PDE4D: variants seen among roughly 807,000 people sequenced by gnomAD.
PDE4D encodes the protein 3',5'-cyclic-AMP phosphodiesterase 4D.
In PDE4D, 24 loss-of-function variants were observed where a neutral mutation model predicts 87.4. The ratio of observed to expected loss-of-function variants is 0.27; its 90% CI spans 0.20 to 0.39. The LOEUF (loss-of-function observed/expected upper bound fraction) is 0.39. Ranked by LOEUF, PDE4D falls within the 10% of genes least tolerant of loss-of-function variation. The probability of loss-of-function intolerance (pLI) is 1.00; values close to 1 mark genes in which losing one functional copy is unlikely to be tolerated. For synonymous variants in PDE4D, 384 were observed against 383.2 expected (o/e 1.00, Z -0.02); for missense variants, 714 against 1,041.0 (o/e 0.69, Z 4.32).
chr5:60,217,096 A>T (rs1162362305), intron 1 of PDE4D, among the ~76,000 whole-genome samples: 2 of 152,094 alleles, frequency 1.3e-5, no homozygotes, highest in East Asian at 3.9e-4. Flanking sequence ...TTAAAAAGGA[A>T]GGAAATTCTA....
intron 1 of PDE4D, among the ~76,000 whole-genome samples, chr5:59,394,755 G>T (rs143813043): frequency 7.2e-5 from 11 of 152,012 alleles, no homozygotes; most frequent in South Asian, 4.1e-4. Context: ...GAACAGCTCC[G>T]GTCTACAGCT....
intron 1 of PDE4D, among the ~76,000 whole-genome samples, chr5:60,363,414 TCAAA>T (rs1213286136): frequency 2.6e-5 from 4 of 151,932 alleles, no homozygotes; most frequent in Admixed American, 6.6e-5. Context: ...CAATCAAGAG[TCAAA>T]CAGATTACAA....
intron 1 of PDE4D, among the ~76,000 whole-genome samples, chr5:59,668,464 C>A (rs1746436362): frequency 6.6e-6 from 1 of 152,120 alleles, no homozygotes; most frequent in Admixed American, 6.6e-5. Context: ...AACTCCAGAA[C>A]TTTGGGAGGC....
At chr5:60,391,266 C>G (rs1214894936) in intron 1 of PDE4D, among the ~76,000 whole-genome samples, 1 of 152,148 alleles carries the variant, frequency 6.6e-6, no homozygotes, top group Non-Finnish European at 1.5e-5. Context: ...ACAGGGGGCT[C>G]CCAGTCACAC....
chr5:59,307,486 T>C (rs935878859), intron 1 of PDE4D, among the ~76,000 whole-genome samples: 5 of 152,018 alleles, frequency 3.3e-5, no homozygotes, highest in Non-Finnish European at 7.4e-5. Flanking sequence ...ACATCCAGAA[T>C]CTACAATGAA....
intron 5 of PDE4D, among the ~76,000 whole-genome samples, chr5:59,065,067 TACACACACACACACACACACAC>T (rs10563874): frequency 0.019 from 1,694 of 89,332 alleles, 67 homozygotes; most frequent in African/African-American, 0.044. Context: ...GATATATATA[TACACACACACACACACACACAC>T]ACACACACAC....
chr5:59,787,702 AT>A (rs1765324125), intron 1 of PDE4D, among the ~76,000 whole-genome samples: 1 of 152,198 alleles, frequency 6.6e-6, no homozygotes, highest in African/African-American at 2.4e-5. Flanking sequence ...TTACTAGAAA[AT>A]ATACCAATTA....
intron 1 of PDE4D, among the ~76,000 whole-genome samples, chr5:60,437,882 T>C (rs751905361): frequency 2.0e-5 from 3 of 152,122 alleles, no homozygotes; most frequent in Non-Finnish European, 4.4e-5. Context: ...GAATTTTTAT[T>C]TCTACTTTCC....
rs184866069 is a variant in PDE4D at position 60,066,709 on chromosome 5, G to A, written c.43-77992C>T. 2.9e-4 allele frequency among the ~76,000 whole-genome samples: 44 copies of A among 152,054 alleles called. No individual in the cohort carries two copies. The East Asian group carries it at 7.9e-3, about 27-fold the overall frequency. ...TTTTATTAGATGAGTCATCTCATTC[G>A]TAAGCATTACCCTGGCTTAGTCTAC... On this transcript the variant is annotated intron_variant, in intron 2 of 16. Transcript: ENST00000502484.
In PDE4D at chr5:59,360,260, A is replaced by G. The variant is rs567482692; in HGVS notation, c.456-144292T>C. Among the ~76,000 whole-genome samples the G allele has an allele frequency of 9.2e-5, 14 of 152,290 alleles. No individual in the cohort carries two copies. The East Asian group carries it at 2.7e-3, about 29-fold the overall frequency. On this transcript the variant is annotated intron_variant, in intron 1 of 14. Transcript: ENST00000340635. ...AGTTAACAGGCATACGGAAGAGACG[A>G]GGGTTGAGCTGAACTTCAGAGAAAT...
intron 1 of PDE4D, among the ~76,000 whole-genome samples, chr5:60,292,857 T>C (rs1753015274): frequency 6.6e-6 from 1 of 152,186 alleles, no homozygotes; most frequent in Admixed American, 6.5e-5. Flanking sequence ...CTAGTTTCCA[T>C]AATCATGTTG....
chr5:59,227,654 T>C (rs775664411), intron 1 of PDE4D, among the ~76,000 whole-genome samples: 23 of 152,108 alleles, frequency 1.5e-4, no homozygotes, highest in Non-Finnish European at 2.8e-4. Context: ...ATGCTCAATA[T>C]CACTAATCAT....
intron 1 of PDE4D, among the ~76,000 whole-genome samples, chr5:59,547,460 T>C (rs1817459500): frequency 6.6e-6 from 1 of 151,910 alleles, no homozygotes; most frequent in Admixed American, 6.6e-5. Context: ...TATAGAATTA[T>C]ATGAATTATA....
At chr5:60,338,604 C>T (rs769487744) in intron 1 of PDE4D, among the ~76,000 whole-genome samples, 3 of 152,112 alleles carry the variant, frequency 2.0e-5, no homozygotes, top group South Asian at 2.1e-4. Flanking sequence ...CCATGTGACT[C>T]GCCCGGAGGT....
intron 1 of PDE4D, among the ~76,000 whole-genome samples, chr5:59,479,930 A>G (rs1473149971): frequency 6.6e-6 from 1 of 152,130 alleles, no homozygotes; most frequent in African/African-American, 2.4e-5. Flanking sequence ...TTGTAAATTC[A>G]GACTACAGTG....
At chr5:59,813,484 ATG>A (rs1768610304) in intron 1 of PDE4D, among the ~76,000 whole-genome samples, 1 of 87,134 alleles carries the variant, frequency 1.1e-5, no homozygotes, top group African/African-American at 3.1e-5. Flanking sequence ...ACACACACAT[ATG>A]CCTGTCATTG....
At position 58,973,064 on chromosome 5, in the gene PDE4D, A is replaced by G. The variant is rs1222286804; in HGVS notation, c.*1600T>C. 1 of 152,216 alleles carries G rather than the reference A, an allele frequency of 6.6e-6. No individual in the cohort carries two copies. The highest frequency in any genetic ancestry group is 2.4e-5 in the African/African-American group (1 of 41,446). 9.4% of individuals were successfully genotyped at this position (152,216 alleles called of 1,614,324 possible). A position where few individuals can be genotyped will look rare whatever the true frequency, so the allele number is the denominator to read the frequency against. On this transcript the variant is annotated 3_prime_UTR_variant, in exon 15 of 15. Coordinates refer to ENST00000340635, the MANE Select transcript of PDE4D (RefSeq NM_001104631.2). ...TCCATTAAGGAAGAGTAGTTGCTAC[A>G]CTTAAAACCGTTTCTCAGGGATGTT...
intron 1 of PDE4D, among the ~76,000 whole-genome samples, chr5:59,680,370 A>C (rs971673084): frequency 1.3e-5 from 2 of 152,170 alleles, no homozygotes; most frequent in Non-Finnish European, 2.9e-5. Flanking sequence ...GAAAACATGG[A>C]TACCTACACC....
At chr5:58,994,283 C>T (rs1748634402) in intron 6 of PDE4D, among the ~76,000 whole-genome samples, 1 of 152,088 alleles carries the variant, frequency 6.6e-6, no homozygotes, top group Non-Finnish European at 1.5e-5. Flanking sequence ...CTGGAATTAA[C>T]CTACCAACAC....
Sources: gnomAD v4.1 joint callset for allele counts (sites outside exome capture counted in the v4.1 genomes callset) on GRCh38, gnomAD v4.1.1 for gene constraint, MANE v1.5 for transcripts, NCBI Gene and HGNC (gene_info 2026-07-23, HGNC 2026-07-21) for gene names.